Variants in KAZN observed in about 807,000 individuals in gnomAD.
KAZN encodes kazrin.
Under a neutral mutation model 87.4 loss-of-function variants are expected in KAZN, and 40 were observed. The observed-to-expected ratio is 0.46, with a 90% confidence interval of 0.36 to 0.60. KAZN has a LOEUF of 0.60. Ranked by LOEUF, KAZN falls within the 20% of genes least tolerant of loss-of-function variation. KAZN has a pLI of 0.00. For synonymous variants in KAZN, 466 were observed against 458.3 expected (o/e 1.02, Z -0.22); for missense variants, 898 against 1,073.9 (o/e 0.84, Z 2.29).
rs79867665 is a variant in KAZN, at chr1:14,529,652, A to G, written c.250-69331A>G. ...AGTCAGGAAGAGAAAGGCTGCCCCA[A>G]TAGAGGAGAAGGAAAGAGAAAGGAG... On this transcript the variant is annotated intron_variant, in intron 2 of 16. Transcript: ENST00000636203. 6.9e-3 allele frequency among the ~76,000 whole-genome samples: 1,053 copies of G among 152,304 alleles called. 15 individuals carry two copies. Among genetic ancestry groups the G allele is most frequent in the African/African-American group, 0.024 (980 of 41,562 alleles).
At chr1:14,701,381 T>C (rs1641912254) in intron 1 of KAZN, among the ~76,000 whole-genome samples, 1 of 152,010 alleles carries the variant, frequency 6.6e-6, no homozygotes. Flanking sequence ...TCGTCCTGCC[T>C]TGACCTCCCA....
intron 2 of KAZN, among the ~76,000 whole-genome samples, chr1:14,498,834 G>A (rs1670091493): frequency 6.6e-6 from 1 of 152,048 alleles, no homozygotes; most frequent in South Asian, 2.1e-4. Context: ...TGTCTAAGTA[G>A]CCTCTTCGCT....
intron 2 of KAZN, among the ~76,000 whole-genome samples, chr1:14,260,106 TC>T (rs751640068): frequency 5.9e-5 from 9 of 152,300 alleles, no homozygotes; most frequent in Admixed American, 3.9e-4. Context: ...CACGACCTCT[TC>T]CCCTTTCATT....
chr1:14,065,448 A>G (rs1642971197), intron 1 of KAZN, among the ~76,000 whole-genome samples: 2 of 152,250 alleles, frequency 1.3e-5, no homozygotes, highest in East Asian at 3.9e-4. Context: ...AAGCTCGCTC[A>G]CCTTTGAAAG....
chr1:13,957,781 A>G (rs1641600461), intron 1 of KAZN, among the ~76,000 whole-genome samples: 1 of 152,136 alleles, frequency 6.6e-6, no homozygotes, highest in Non-Finnish European at 1.5e-5. Flanking sequence ...GCGTTAATCT[A>G]TTCATGAAAG....
intron 2 of KAZN, among the ~76,000 whole-genome samples, chr1:14,381,730 G>GA (rs1219234017): frequency 1.3e-5 from 2 of 152,082 alleles, no homozygotes; most frequent in African/African-American, 4.8e-5. Flanking sequence ...TGCTGAATGG[G>GA]AAAAAACGGA....
intron 2 of KAZN, chr1:14,304,498 G>C: frequency 5.0e-6 from 2 of 396,616 alleles, no homozygotes; most frequent in Non-Finnish European, 8.9e-6. Context: ...TGAGCAACTG[G>C]AATTTTGGAA....
intron 1 of KAZN, among the ~76,000 whole-genome samples, chr1:14,816,108 T>C (rs1336967409): frequency 6.6e-6 from 1 of 152,192 alleles, no homozygotes; most frequent in Non-Finnish European, 1.5e-5. Context: ...GTAGGATGGC[T>C]TAAGTCTTCT....
intron 2 of KAZN, among the ~76,000 whole-genome samples, chr1:14,377,067 C>G (rs1468445856): frequency 2.8e-5 from 1 of 35,146 alleles, no homozygotes; most frequent in South Asian, 8.3e-4. Context: ...AGGAAGGTAG[C>G]TACTTAGCCA....
At chr1:15,007,202 C>T (rs371879887) in intron 2 of KAZN, among the ~76,000 whole-genome samples, 1 of 152,262 alleles carries the variant, frequency 6.6e-6, no homozygotes. Context: ...CTCATGTAAC[C>T]TTTGGCAACA....
chr1:14,183,335 G>A (rs914559833), intron 2 of KAZN, among the ~76,000 whole-genome samples: 2 of 152,156 alleles, frequency 1.3e-5, no homozygotes, highest in Non-Finnish European at 2.9e-5. Flanking sequence ...ATCGCGAAGG[G>A]AGCACCTCAC....
intron 2 of KAZN, among the ~76,000 whole-genome samples, chr1:14,338,814 G>T (rs1009089590): frequency 6.6e-6 from 1 of 152,200 alleles, no homozygotes; most frequent in Non-Finnish European, 1.5e-5. Flanking sequence ...TAAGTGAGAT[G>T]AAAAATGTCC....
chr1:15,024,716 A>T (rs1256421950), intron 2 of KAZN, among the ~76,000 whole-genome samples: 1 of 152,224 alleles, frequency 6.6e-6, no homozygotes, highest in Non-Finnish European at 1.5e-5. Flanking sequence ...TGTGGGAAGC[A>T]CAATGTCTGG....
chr1:14,377,439 CAAT>C (rs779174188), intron 2 of KAZN, among the ~76,000 whole-genome samples: 16 of 152,224 alleles, frequency 1.1e-4, no homozygotes, highest in Non-Finnish European at 1.9e-4. Context: ...TCCATGGCAA[CAAT>C]GACAGTAGAA....
chr1:15,015,873 C>A (rs1235356869), intron 2 of KAZN, among the ~76,000 whole-genome samples: 1 of 152,148 alleles, frequency 6.6e-6, no homozygotes, highest in African/African-American at 2.4e-5. Flanking sequence ...CTCCACCTGT[C>A]CCCAAGTCCC....
At chr1:14,990,754 A>T (rs1667271562) in intron 2 of KAZN, among the ~76,000 whole-genome samples, 1 of 151,746 alleles carries the variant, frequency 6.6e-6, no homozygotes, top group South Asian at 2.1e-4. Flanking sequence ...ATATGTTGTT[A>T]TGCCCCCTAA....
chr1:14,286,635 TATAA>T (rs540766869), intron 2 of KAZN, among the ~76,000 whole-genome samples: 58 of 152,350 alleles, frequency 3.8e-4, no homozygotes, highest in South Asian at 2.3e-3. Flanking sequence ...TAGAATTATG[TATAA>T]ATAATTCCTC....
chr1:14,473,539 A>C (rs1432356285), intron 2 of KAZN, among the ~76,000 whole-genome samples: 1 of 151,622 alleles, frequency 6.6e-6, no homozygotes, highest in Non-Finnish European at 1.5e-5. Context: ...AGGCAGGAGA[A>C]TCGCTTGAAC....
Position 13,895,393 on chromosome 1 carries a change from G to A in KAZN, c.91+1637G>A, listed in dbSNP as rs144632251. Among the ~76,000 whole-genome samples the A allele has an allele frequency of 3.3e-3, 499 of 152,252 alleles. 3 individuals carry two copies. Among genetic ancestry groups the A allele is most frequent in the African/African-American group, 0.011 (468 of 41,528 alleles). ...GGATTTCTAAAGTACCTCCCCTGCG[G>A]CTTCATTCACTTTCTTTTAGAAGCA... is the stretch of plus-strand genomic sequence containing the variant. On this transcript the variant is annotated intron_variant, in intron 1 of 16. Transcript: ENST00000636203.
Sources: allele counts gnomAD v4.1 joint callset (sites outside exome capture counted in the v4.1 genomes callset), GRCh38; gene constraint gnomAD v4.1.1; transcripts MANE v1.5; gene names NCBI Gene and HGNC (gene_info 2026-07-23, HGNC 2026-07-21).